Variants in MCPH1 observed in about 807,000 individuals in gnomAD.
The protein encoded by MCPH1 is microcephalin 1.
Under a neutral mutation model 84.5 loss-of-function variants are expected in MCPH1, and 104 were observed. The ratio of observed to expected loss-of-function variants is 1.23; its 90% CI spans 1.05 to 1.45. The LOEUF is 1.45. Among genes scored for constraint, MCPH1 ranks in the 40% most tolerant of loss-of-function variants. MCPH1 has a pLI of 0.00. For synonymous variants in MCPH1, 514 were observed against 366.8 expected, an observed-to-expected ratio of 1.40 and a Z score of -4.58; for missense variants, 1,498 against 1,005.7, an observed-to-expected ratio of 1.49 and a Z score of -6.62.
At chr8:6,444,354 A>G in intron 7 of MCPH1, 39 bp from the exon 8 acceptor site, 1 of 1,612,840 alleles carries the variant, frequency 6.2e-7, no homozygotes, top group Non-Finnish European at 8.5e-7. Context: ...AATAATTTAA[A>G]CCACTTTTAA....
At chr8:6,640,103 CGCGT>C (rs1268811149) in intron 13 of MCPH1, among the ~76,000 whole-genome samples, 45 of 122,330 alleles carry the variant, frequency 3.7e-4, no homozygotes, top group African/African-American at 1.2e-3. Flanking sequence ...TGTGTGCGCG[CGCGT>C]GTGTGTGTGT....
intron 12 of MCPH1, among the ~76,000 whole-genome samples, chr8:6,567,833 A>C (rs1394999519): frequency 1.3e-5 from 2 of 152,148 alleles, no homozygotes; most frequent in African/African-American, 4.8e-5. Flanking sequence ...TGCTGTACTG[A>C]CGGGACCACA....
At chr8:6,590,448 G>A (rs990930117) in intron 12 of MCPH1, among the ~76,000 whole-genome samples, 2 of 152,108 alleles carry the variant, frequency 1.3e-5, no homozygotes, top group African/African-American at 4.8e-5. Flanking sequence ...TGCAGGCCCT[G>A]GGTGGGAAGC....
chr8:6,424,210 C>A (rs555191937), intron 3 of MCPH1, among the ~76,000 whole-genome samples: 1 of 152,266 alleles, frequency 6.6e-6, no homozygotes, highest in Admixed American at 6.5e-5. Flanking sequence ...AGAAAGAATA[C>A]ATAAAGTTGA....
chr8:6,528,149 G>A (rs548414924), intron 12 of MCPH1, among the ~76,000 whole-genome samples: 5 of 152,068 alleles, frequency 3.3e-5, no homozygotes, highest in African/African-American at 7.2e-5. Flanking sequence ...CACCTGCCTC[G>A]GCCTCCCATA....
chr8:6,493,063 T>C (rs1182182288), intron 11 of MCPH1, among the ~76,000 whole-genome samples: 1 of 152,234 alleles, frequency 6.6e-6, no homozygotes, highest in Non-Finnish European at 1.5e-5. Flanking sequence ...TGAAGTGATG[T>C]TTCTGCTGTT....
intron 11 of MCPH1, among the ~76,000 whole-genome samples, chr8:6,491,832 G>T (rs1456099169): frequency 3.9e-5 from 6 of 152,086 alleles, no homozygotes; most frequent in Admixed American, 2.0e-4. Flanking sequence ...CTGCATAGTA[G>T]TCCATGGTGT....
At chr8:6,514,815 C>A in intron 12 of MCPH1, 1 of 1,552,110 alleles carries the variant, frequency 6.4e-7, no homozygotes. Flanking sequence ...TGACAGAGCC[C>A]CCCCACTCCC....
At chr8:6,434,949 T>G (rs1160098578) in intron 4 of MCPH1, among the ~76,000 whole-genome samples, 1 of 152,122 alleles carries the variant, frequency 6.6e-6, no homozygotes, top group South Asian at 2.1e-4. Context: ...AGACGGGAAG[T>G]CAATGGGCAG....
chr8:6,530,916 G>A (rs564847097), intron 12 of MCPH1, among the ~76,000 whole-genome samples: 1 of 152,318 alleles, frequency 6.6e-6, no homozygotes, highest in South Asian at 2.1e-4. Context: ...TCTCCTGGCT[G>A]ACGTCTAGCA....
At chr8:6,572,776 A>T (rs1456291789) in intron 12 of MCPH1, among the ~76,000 whole-genome samples, 2 of 152,226 alleles carry the variant, frequency 1.3e-5, no homozygotes, top group Non-Finnish European at 2.9e-5. Context: ...TTACAGTCTA[A>T]CGAGGTGAAC....
At chr8:6,560,144 T>G (rs1398924645) in intron 12 of MCPH1, among the ~76,000 whole-genome samples, 1 of 152,216 alleles carries the variant, frequency 6.6e-6, no homozygotes, top group Non-Finnish European at 1.5e-5. Context: ...CCTAAAAGTG[T>G]ACGGATTTTG....
intron 12 of MCPH1, among the ~76,000 whole-genome samples, chr8:6,606,105 T>C (rs1829754439): frequency 6.6e-6 from 1 of 152,230 alleles, no homozygotes; most frequent in Non-Finnish European, 1.5e-5. Flanking sequence ...TTTTGATAAG[T>C]TCAGTGGCTC....
At chr8:6,532,286 G>A (rs1044584685) in intron 12 of MCPH1, 1 of 1,611,950 alleles carries the variant, frequency 6.2e-7, no homozygotes, top group South Asian at 1.1e-5. Flanking sequence ...CTGAGTGCTA[G>A]TCTCTAGCTG....
chr8:6,438,116 A>C lies in MCPH1; in HGVS notation c.437-837A>C, dbSNP rs564003475. Among the ~76,000 whole-genome samples the C allele has an allele frequency of 6.6e-5, 10 of 152,318 alleles. No homozygotes were observed. In the South Asian group the frequency reaches 2.1e-3, roughly 32 times the overall value. ...TAGCAATATTGCACACTCTCCTATAATTCTTTATACTTTTGTCACTTTGGC... is the reference window on the plus strand; with the variant it reads ...TAGCAATATTGCACACTCTCCTATACTTCTTTATACTTTTGTCACTTTGGC... On this transcript the variant is annotated intron_variant, in intron 5 of 13. Coordinates refer to ENST00000344683, the MANE Select transcript of MCPH1 (RefSeq NM_024596.5).
intron 11 of MCPH1, among the ~76,000 whole-genome samples, chr8:6,499,063 AAATTAAATAAAT>A (rs1563291419): frequency 7.8e-6 from 1 of 128,302 alleles, no homozygotes; most frequent in Non-Finnish European, 1.7e-5. Context: ...AAAAATAAAT[AAATTAAATAAAT>A]AAATAAATAA....
At chr8:6,626,113 A>G in intron 13 of MCPH1, 2 of 985,300 alleles carry the variant, frequency 2.0e-6, no homozygotes, top group Non-Finnish European at 2.4e-6. Flanking sequence ...GACGATAAAA[A>G]TTGTTAGTGA....
At chr8:6,526,998 A>G (rs1370932099) in intron 12 of MCPH1, among the ~76,000 whole-genome samples, 2 of 152,244 alleles carry the variant, frequency 1.3e-5, no homozygotes, top group African/African-American at 4.8e-5. Context: ...ACATTGGATC[A>G]TAAAATGTGC....
At chr8:6,456,535 G>C (rs1211035934) in intron 9 of MCPH1, among the ~76,000 whole-genome samples, 1 of 152,124 alleles carries the variant, frequency 6.6e-6, no homozygotes, top group Admixed American at 6.5e-5. Context: ...TGCGTCGCAT[G>C]GCACCACAGC....
Sources: gnomAD v4.1 joint callset for allele counts (sites outside exome capture counted in the v4.1 genomes callset) on GRCh38, gnomAD v4.1.1 for gene constraint, MANE v1.5 for transcripts, NCBI Gene and HGNC (gene_info 2026-07-23, HGNC 2026-07-21) for gene names.